The following TNRC6C variants were observed in gnomAD, a reference collection of about 807,000 sequenced individuals.
The protein encoded by TNRC6C is trinucleotide repeat-containing gene 6C protein.
Under a neutral mutation model 153.7 loss-of-function variants are expected in TNRC6C, and 20 were observed. The ratio of observed to expected loss-of-function variants is 0.13; its 90% CI spans 0.09 to 0.19. TNRC6C has a LOEUF of 0.19. TNRC6C is among the 10% of genes least tolerant of loss of function. The pLI is 1.00. For missense variants in TNRC6C, 1,987 were observed against 2,172.0 expected (o/e 0.91, Z 1.69); for synonymous variants, 811 against 841.4 (o/e 0.96, Z 0.63).
chr17:77,997,400 C>A (rs2071344637), intron 1 of TNRC6C, among the ~76,000 whole-genome samples: 1 of 152,168 alleles, frequency 6.6e-6, no homozygotes, highest in South Asian at 2.1e-4. Flanking sequence ...AACTAGTAAT[C>A]AAATCCCAGT....
intron 1 of TNRC6C, among the ~76,000 whole-genome samples, chr17:77,983,979 G>C (rs1411804168): frequency 1.3e-5 from 2 of 152,164 alleles, no homozygotes; most frequent in Non-Finnish European, 2.9e-5. Flanking sequence ...ACCTTCATGT[G>C]GAATCAGAGT....
chr17:78,004,997 A>G (rs893375882), upstream of TNRC6C: 3 of 1,151,402 alleles, frequency 2.6e-6, no homozygotes, highest in Non-Finnish European at 3.3e-6. Context: ...AGATGTGTAC[A>G]TTCTACACAT....
At chr17:78,096,429 A>C (rs1267377480) in intron 16 of TNRC6C, among the ~76,000 whole-genome samples, 1 of 152,242 alleles carries the variant, frequency 6.6e-6, no homozygotes, top group Non-Finnish European at 1.5e-5. Flanking sequence ...AAATTGGAAA[A>C]AATAAAAGTG....
chr17:78,079,309 C>T lies in TNRC6C; in HGVS notation c.3211-86C>T. The T allele has an allele frequency of 6.4e-7, 1 of 1,552,710 alleles. No homozygotes were observed. Among genetic ancestry groups the T allele is most frequent in the Non-Finnish European group, 8.8e-7 (1 of 1,139,870 alleles). On this transcript the variant is annotated intron_variant, in intron 9 of 19. Coordinates refer to ENST00000301624, the Ensembl canonical transcript of TNRC6C. The surrounding 1 kb of genome is among the most constrained non-coding windows in gnomAD (Gnocchi z 4.3). ...GGAAGTAGAAACAATTTTGCATTCA[C>T]TTGAAATAGATCATTTCACCCTACC...
chr17:78,079,268 C>A lies in TNRC6C; in HGVS notation c.3211-127C>A. On this transcript the variant is annotated intron_variant, in intron 9 of 19. Coordinates refer to ENST00000301624, the Ensembl canonical transcript of TNRC6C. The surrounding 1 kb of genome is among the most constrained non-coding windows in gnomAD (Gnocchi z 4.3). The stretch of plus-strand genomic sequence containing the variant: ...TGTCTCAAAAAAATTCTCTTGGGTA[C>A]AAGTTGACAGTGGTAGGAAGTAGAA... 2 of 1,382,934 alleles carry A rather than the reference C, an allele frequency of 1.4e-6. No homozygotes were observed. The highest frequency in any genetic ancestry group is 2.0e-6 in the Non-Finnish European group (2 of 1,018,076). 85.7% of individuals were successfully genotyped at this position (1,382,934 alleles called of 1,614,324 possible).
chr17:77,967,592 G>T (rs189527814), intron 1 of TNRC6C, among the ~76,000 whole-genome samples: 9 of 152,158 alleles, frequency 5.9e-5, no homozygotes, highest in Non-Finnish European at 1.3e-4. Context: ...TTTCTGTAGG[G>T]TACCTGAAGG....
In TNRC6C at chr17:78,079,297, A is replaced by G; in HGVS notation, c.3211-98A>G. On this transcript the variant is annotated intron_variant, in intron 9 of 19. Coordinates refer to ENST00000301624, the Ensembl canonical transcript of TNRC6C. This position sits in a 1 kb window ranked among gnomAD's most constrained non-coding sequence, Gnocchi z 4.3. ...TTGACAGTGGTAGGAAGTAGAAACA[A>G]TTTTGCATTCACTTGAAATAGATCA... 6.5e-7 allele frequency: 1 copy of G among 1,532,682 alleles called. No homozygotes were observed. Among genetic ancestry groups the G allele is most frequent in the Non-Finnish European group, 8.8e-7 (1 of 1,129,952 alleles). The allele number at this position is 1,532,682 out of a possible 1,614,324, so 94.9% of individuals were successfully genotyped here.
chr17:78,071,639 C>T (rs368461397), intron 6 of TNRC6C, among the ~76,000 whole-genome samples: 2 of 152,202 alleles, frequency 1.3e-5, no homozygotes, highest in Non-Finnish European at 2.9e-5. Context: ...CTGCCCGCCT[C>T]GGCCTCCCAA....
chr17:78,023,186 C>A (rs1192202680), intron 1 of TNRC6C, among the ~76,000 whole-genome samples: 1 of 152,114 alleles, frequency 6.6e-6, no homozygotes, highest in Admixed American at 6.5e-5. Context: ...AGGTTATACG[C>A]AAATAATAAC....
At chr17:78,028,701 A>G (rs1228357609) in intron 1 of TNRC6C, among the ~76,000 whole-genome samples, 2 of 152,138 alleles carry the variant, frequency 1.3e-5, no homozygotes, top group South Asian at 2.1e-4. Context: ...CCACCCCCCA[A>G]TGTTGACTTA....
At chr17:78,061,306 C>G (rs891648557) in intron 3 of TNRC6C, among the ~76,000 whole-genome samples, 8 of 152,192 alleles carry the variant, frequency 5.3e-5, no homozygotes, top group African/African-American at 1.9e-4. Flanking sequence ...CAAATTCACT[C>G]TGATGATAAA....
intron 1 of TNRC6C, among the ~76,000 whole-genome samples, chr17:78,018,573 T>C (rs2071774327): frequency 6.6e-6 from 1 of 152,192 alleles, no homozygotes; most frequent in Non-Finnish European, 1.5e-5. Context: ...GCAGATTGCA[T>C]GGGAAAACAA....
At chr17:78,000,267 C>CTA (rs1157713645), upstream of TNRC6C, among the ~76,000 whole-genome samples, 4 of 152,260 alleles carry the variant, frequency 2.6e-5, 1 homozygote, top group African/African-American at 7.2e-5. Context: ...TTTCCATAGT[C>CTA]TATATAGAGT....
intron 1 of TNRC6C, among the ~76,000 whole-genome samples, chr17:77,998,526 CTCTT>C (rs1329262383): frequency 6.6e-6 from 1 of 152,122 alleles, no homozygotes; most frequent in Non-Finnish European, 1.5e-5. Flanking sequence ...TTTTTTCAGT[CTCTT>C]TGTTTTCCAA....
chr17:77,981,301 T>C (rs2071074349), intron 1 of TNRC6C, among the ~76,000 whole-genome samples: 1 of 152,168 alleles, frequency 6.6e-6, no homozygotes, highest in Admixed American at 6.5e-5. Flanking sequence ...CCATTGGCCA[T>C]TGGTGATCAA....
intron 8 of TNRC6C, among the ~76,000 whole-genome samples, chr17:78,076,028 C>G (rs1378413499): frequency 6.6e-6 from 1 of 151,682 alleles, no homozygotes; most frequent in Non-Finnish European, 1.5e-5. Flanking sequence ...ACCAGCCTGG[C>G]CAACATGGTG....
intron 11 of TNRC6C, among the ~76,000 whole-genome samples, chr17:78,085,144 C>G (rs1311610998): frequency 6.6e-6 from 1 of 152,104 alleles, no homozygotes; most frequent in African/African-American, 2.4e-5. Flanking sequence ...CGCTTTCTGC[C>G]ACTAGATGAC....
At position 77,994,124 on chromosome 17, in the gene TNRC6C, C is replaced by T. The variant is rs568861428; in HGVS notation, c.-37-10046C>T. ...AGGAGAATCGCTTGAACCCAGGAGGCGAAGGTTGCAGTGCACCGAGATTGT... is the reference window on the plus strand; with the variant it reads ...AGGAGAATCGCTTGAACCCAGGAGGTGAAGGTTGCAGTGCACCGAGATTGT... On this transcript the variant is annotated intron_variant, in intron 1 of 22. Transcript: ENST00000636222. Among the ~76,000 whole-genome samples the T allele has an allele frequency of 1.2e-4, 19 of 152,066 alleles. No individual in the cohort carries two copies. In the South Asian group the frequency reaches 1.3e-3, roughly 10 times the overall value.
At chr17:78,089,116 C>T (rs1201241522) in intron 13 of TNRC6C, among the ~76,000 whole-genome samples, 1 of 151,878 alleles carries the variant, frequency 6.6e-6, no homozygotes, top group Non-Finnish European at 1.5e-5. Context: ...TACAGGCATG[C>T]ATCACCACGC....
Sources: allele counts gnomAD v4.1 joint callset (sites outside exome capture counted in the v4.1 genomes callset), GRCh38; gene constraint gnomAD v4.1.1; non-coding constraint Gnocchi (gnomAD v3.1); transcripts MANE v1.5; gene names NCBI Gene and HGNC (gene_info 2026-07-23, HGNC 2026-07-21).